Variants in ZNF385B observed in about 807,000 individuals in gnomAD.
The protein encoded by ZNF385B is zinc finger protein 533.
In ZNF385B, 23 loss-of-function variants were observed where a neutral mutation model predicts 39.2. That is an observed-to-expected ratio of 0.59 (90% confidence interval 0.42 to 0.83). The LOEUF (loss-of-function observed/expected upper bound fraction) is 0.83. Ranked by LOEUF, ZNF385B falls within the 40% of genes least tolerant of loss-of-function variation. ZNF385B has a pLI of 0.00. For missense variants in ZNF385B, 552 were observed against 598.9 expected, an observed-to-expected ratio of 0.92 and a Z score of 0.82; for synonymous variants, 205 against 222.6, an observed-to-expected ratio of 0.92 and a Z score of 0.70.
chr2:179,786,793 G>C (rs1279599557), intron 1 of ZNF385B, among the ~76,000 whole-genome samples: 2 of 150,960 alleles, frequency 1.3e-5, no homozygotes, highest in Non-Finnish European at 3.0e-5. Context: ...TATTCCCTTA[G>C]GATAAGTTTT....
At chr2:179,711,110 T>C (rs369539841) in intron 3 of ZNF385B, among the ~76,000 whole-genome samples, 1 of 152,200 alleles carries the variant, frequency 6.6e-6, no homozygotes, top group Non-Finnish European at 1.5e-5. Flanking sequence ...CAAAATCACA[T>C]GGCCCTGGAC....
At chr2:179,802,691 C>T (rs1321102297) in intron 1 of ZNF385B, 3 of 152,066 alleles carry the variant, frequency 2.0e-5, no homozygotes, top group Non-Finnish European at 4.4e-5. Flanking sequence ...TAGAATGGTA[C>T]AGCTGTTTTG....
intron 3 of ZNF385B, among the ~76,000 whole-genome samples, chr2:179,750,816 C>T (rs530826785): frequency 2.0e-5 from 3 of 152,010 alleles, no homozygotes; most frequent in Non-Finnish European, 4.4e-5. Context: ...CTGGTAGAAA[C>T]GCAATGATTT....
chr2:179,773,457 T>C (rs1704129114), intron 1 of ZNF385B, among the ~76,000 whole-genome samples: 1 of 152,240 alleles, frequency 6.6e-6, no homozygotes, highest in Non-Finnish European at 1.5e-5. Flanking sequence ...AATTCCAAGA[T>C]GGCAGTTTCC....
At position 179,711,852 on chromosome 2, in the gene ZNF385B, G is replaced by A. The variant is rs373365922; in HGVS notation, c.298+57651C>T. On this transcript the variant is annotated intron_variant, in intron 3 of 9. Coordinates refer to ENST00000410066, the MANE Select transcript of ZNF385B (RefSeq NM_152520.6). ...TAACAAGCAGTAGCAGTTCTGTTCA[G>A]CCTACTGCAAAAATGCTATATAAAC... Among the ~76,000 whole-genome samples, 23 of 147,500 alleles carry A rather than the reference G, an allele frequency of 1.6e-4. 2 individuals carry two copies. Among genetic ancestry groups the A allele is most frequent in the African/African-American group, 5.8e-4 (23 of 39,952 alleles).
intron 3 of ZNF385B, among the ~76,000 whole-genome samples, chr2:179,552,117 G>A (rs569206246): frequency 6.7e-6 from 1 of 149,216 alleles, no homozygotes; most frequent in South Asian, 2.2e-4. Flanking sequence ...TTATGTTAAT[G>A]GATTATGTCA....
At chr2:179,720,213 G>C (rs1366785062) in intron 3 of ZNF385B, among the ~76,000 whole-genome samples, 1 of 152,040 alleles carries the variant, frequency 6.6e-6, no homozygotes, top group Non-Finnish European at 1.5e-5. Context: ...ATTTAAAATA[G>C]TGATAATAAT....
At chr2:179,815,198 G>C (rs1324584991) in intron 1 of ZNF385B, among the ~76,000 whole-genome samples, 2 of 152,158 alleles carry the variant, frequency 1.3e-5, no homozygotes, top group Non-Finnish European at 2.9e-5. Context: ...AATGTCACCA[G>C]GATCCTGCAG....
intron 4 of ZNF385B, among the ~76,000 whole-genome samples, chr2:179,537,971 G>C (rs1317756345): frequency 1.3e-5 from 2 of 151,774 alleles, no homozygotes; most frequent in African/African-American, 4.8e-5. Context: ...AAGTGATTTT[G>C]AGTAACCATG....
In ZNF385B at chr2:179,603,877, T is replaced by G. The variant is rs547889904; in HGVS notation, c.299-58908A>C. 2.0e-5 allele frequency among the ~76,000 whole-genome samples: 3 copies of G among 152,292 alleles called. No homozygotes were observed. The South Asian group carries it at 6.2e-4, about 32-fold the overall frequency. On this transcript the variant is annotated intron_variant, in intron 3 of 9. Transcript: ENST00000410066. ...CAGGAATGCATCAAATAAAATTAAATGCCTCTTTGTAGTAGATTCTACAAG... is the reference window on the plus strand; with the variant it reads ...CAGGAATGCATCAAATAAAATTAAAGGCCTCTTTGTAGTAGATTCTACAAG...
chr2:179,476,695 C>G (rs2105555835), intron 6 of ZNF385B, among the ~76,000 whole-genome samples: 1 of 152,304 alleles, frequency 6.6e-6, no homozygotes, highest in Non-Finnish European at 1.5e-5. Flanking sequence ...ATGCTACTGT[C>G]AAATTCAAGG....
At chr2:179,754,327 C>T (rs562444632) in intron 3 of ZNF385B, among the ~76,000 whole-genome samples, 3 of 152,186 alleles carry the variant, frequency 2.0e-5, no homozygotes, top group East Asian at 1.9e-4. Context: ...CTGCTGAATT[C>T]GGTGTGCCAG....
chr2:179,477,200 TA>T (rs1260044029), intron 6 of ZNF385B, among the ~76,000 whole-genome samples: 1 of 152,134 alleles, frequency 6.6e-6, no homozygotes, highest in Non-Finnish European at 1.5e-5. Context: ...GGGGAACCCA[TA>T]AAAATGATGA....
intron 4 of ZNF385B, among the ~76,000 whole-genome samples, chr2:179,543,226 C>T (rs1185414372): frequency 2.0e-5 from 3 of 152,016 alleles, no homozygotes; most frequent in Non-Finnish European, 2.9e-5. Context: ...GAGCCAAGAT[C>T]GTGCCATTTC....
chr2:179,691,282 A>AT (rs143847681), intron 3 of ZNF385B, among the ~76,000 whole-genome samples: 1 of 152,290 alleles, frequency 6.6e-6, no homozygotes, highest in African/African-American at 2.4e-5. Context: ...CCTTTGTATC[A>AT]TTTATGTTAC....
At chr2:179,744,315 T>TG (rs998958174) in intron 3 of ZNF385B, among the ~76,000 whole-genome samples, 1 of 112,580 alleles carries the variant, frequency 8.9e-6, no homozygotes, top group Non-Finnish European at 2.0e-5. Context: ...TCTCTCCATT[T>TG]TTTTTTTTTT....
chr2:179,607,853 A>G (rs1688944149), intron 3 of ZNF385B, among the ~76,000 whole-genome samples: 1 of 150,428 alleles, frequency 6.6e-6, no homozygotes, highest in Non-Finnish European at 1.5e-5. Flanking sequence ...ACTTATCTGG[A>G]TGGAATTTCC....
At chr2:179,707,784 C>G (rs1195402529) in intron 3 of ZNF385B, among the ~76,000 whole-genome samples, 1 of 152,238 alleles carries the variant, frequency 6.6e-6, no homozygotes, top group East Asian at 1.9e-4. Context: ...CCAGGGTGGT[C>G]TGGCAACAAA....
At chr2:179,476,956 A>G (rs2053502302) in intron 6 of ZNF385B, among the ~76,000 whole-genome samples, 1 of 152,192 alleles carries the variant, frequency 6.6e-6, no homozygotes, top group African/African-American at 2.4e-5. Context: ...ATGTATGCCA[A>G]ATTTATGAGG....
Sources: gnomAD v4.1 joint callset for allele counts (sites outside exome capture counted in the v4.1 genomes callset) on GRCh38, gnomAD v4.1.1 for gene constraint, MANE v1.5 for transcripts, NCBI Gene and HGNC (gene_info 2026-07-23, HGNC 2026-07-21) for gene names.